Variants in LAMA3 observed in about 807,000 individuals in gnomAD.
LAMA3 encodes the protein laminin subunit alpha-3.
LAMA3 carries 281 observed loss-of-function variants against 402.0 expected under a neutral mutation model. That is an observed-to-expected ratio of 0.70 (90% confidence interval 0.63 to 0.77). The LOEUF is 0.77. Ranked by LOEUF, LAMA3 falls within the 30% of genes least tolerant of loss-of-function variation. LAMA3 has a pLI of 0.00. For synonymous variants in LAMA3, 1,431 were observed against 1,558.4 expected (o/e 0.92, Z 1.93); for missense variants, 3,840 against 4,215.5 (o/e 0.91, Z 2.47).
intron 2 of LAMA3, among the ~76,000 whole-genome samples, chr18:23,724,026 T>A (rs2061256543): frequency 6.6e-6 from 1 of 152,064 alleles, no homozygotes; most frequent in African/African-American, 2.4e-5. Context: ...TTATCCTTCA[T>A]CCCCCTCCCA....
chr18:23,693,083 C>T (rs1294925970), intron 1 of LAMA3, among the ~76,000 whole-genome samples: 2 of 152,330 alleles, frequency 1.3e-5, no homozygotes, highest in Admixed American at 1.3e-4. Flanking sequence ...GTGGCTCACG[C>T]CTGTAATCCC....
intron 30 of LAMA3, 105 bp from the exon 31 acceptor site, chr18:23,846,192 C>A (rs978490687): frequency 4.4e-6 from 5 of 1,124,828 alleles, no homozygotes; most frequent in Non-Finnish European, 5.5e-6. Flanking sequence ...ACCATGAGCC[C>A]GTCCCACAGA....
chr18:23,697,711 CA>C (rs965484853), intron 1 of LAMA3, among the ~76,000 whole-genome samples: 10 of 123,574 alleles, frequency 8.1e-5, no homozygotes, highest in East Asian at 3.1e-4. Flanking sequence ...CCCCCCGCCC[CA>C]AAAAAAAATC....
chr18:23,775,985 T>G, intron 10 of LAMA3, 62 bp downstream of exon 10: 19 of 1,557,986 alleles, frequency 1.2e-5, no homozygotes, highest in African/African-American at 2.7e-5. Context: ...TTTTGTGCAC[T>G]AACCTCTGAG....
chr18:23,870,806 T>C (rs1293248497), intron 37 of LAMA3, among the ~76,000 whole-genome samples: 2 of 152,118 alleles, frequency 1.3e-5, no homozygotes, highest in Non-Finnish European at 2.9e-5. Context: ...CAACAGAAAT[T>C]AGAATAGTGG....
rs530261330 is a variant in LAMA3 at position 23,859,226 on chromosome 18, C to T, written c.4422+397C>T. Among the ~76,000 whole-genome samples the T allele has an allele frequency of 2.0e-4, 30 of 152,266 alleles. 1 individual carries two copies. The South Asian group carries it at 5.4e-3, about 27-fold the overall frequency. ...AAATAAATCGAGTTTGTCATTTTCCCCTTTAAAAGAAAACCTTGTTTCTAT... is the reference window on the plus strand; with the variant it reads ...AAATAAATCGAGTTTGTCATTTTCCTCTTTAAAAGAAAACCTTGTTTCTAT... On this transcript the variant is annotated intron_variant, in intron 34 of 74. Transcript: ENST00000313654.
rs376331276 is a variant in LAMA3 at position 23,861,839 on chromosome 18, C to G, written c.4584+32C>G. On this transcript the variant is annotated intron_variant, in intron 35 of 74. Transcript: ENST00000313654. ...ATGTCCTGCTGTTCTTCTGGGCCCT[C>G]AGTGGGCCTCTGCTATTGCTGCATG... 4 of 1,592,862 alleles carry G rather than the reference C, an allele frequency of 2.5e-6. No homozygotes were observed. In the African/African-American group the frequency reaches 5.4e-5, roughly 21 times the overall value.
intron 20 of LAMA3, among the ~76,000 whole-genome samples, chr18:23,823,909 T>C (rs2063333197): frequency 6.6e-6 from 1 of 152,144 alleles, no homozygotes; most frequent in Admixed American, 6.5e-5. Context: ...AAAAATCACA[T>C]ATGCTGTAGT....
chr18:23,859,184 G>A (rs1476502534), intron 34 of LAMA3, among the ~76,000 whole-genome samples: 1 of 152,120 alleles, frequency 6.6e-6, no homozygotes, highest in Non-Finnish European at 1.5e-5. Flanking sequence ...CATAATAGAT[G>A]CCCAATAAAT....
At chr18:23,697,215 G>T (rs995657507) in intron 1 of LAMA3, among the ~76,000 whole-genome samples, 2 of 152,158 alleles carry the variant, frequency 1.3e-5, no homozygotes, top group Non-Finnish European at 2.9e-5. Flanking sequence ...AGGAGGGTGA[G>T]GACTTCATCT....
intron 41 of LAMA3, among the ~76,000 whole-genome samples, chr18:23,885,742 A>T (rs887032549): frequency 9.2e-5 from 14 of 152,220 alleles, no homozygotes; most frequent in African/African-American, 3.4e-4. Flanking sequence ...CATAAAATCA[A>T]TACATATTTA....
At chr18:23,779,991 C>T (rs932451360) in intron 11 of LAMA3, among the ~76,000 whole-genome samples, 7 of 152,144 alleles carry the variant, frequency 4.6e-5, no homozygotes, top group African/African-American at 9.7e-5. Context: ...GGGGCAGTCA[C>T]GTTGGCTTAG....
At position 23,899,467 on chromosome 18, in the gene LAMA3, C is replaced by T; in HGVS notation, c.6004+12C>T. On this transcript the variant is annotated intron_variant, in intron 47 of 74. Coordinates refer to ENST00000313654, the MANE Select transcript of LAMA3 (RefSeq NM_198129.4). ...GGAGTCGCAGCTCTGTAAGAATGCT[C>T]CCAAATTCTTGCATCCAGTCCATTC... The T allele has an allele frequency of 6.2e-7, 1 of 1,612,930 alleles. No homozygotes were observed. Among genetic ancestry groups the T allele is most frequent in the Non-Finnish European group, 8.5e-7 (1 of 1,179,120 alleles).
At chr18:23,902,958 CT>C in intron 48 of LAMA3, 50 bp from the exon 49 acceptor site, 1 of 1,058,512 alleles carries the variant, frequency 9.4e-7, no homozygotes, top group Non-Finnish European at 1.5e-6. Flanking sequence ...TTGTCTATGC[CT>C]TCTGATAATA....
chr18:23,734,253 T>C (rs1275405845), intron 2 of LAMA3, among the ~76,000 whole-genome samples: 1 of 152,210 alleles, frequency 6.6e-6, no homozygotes, highest in Admixed American at 6.5e-5. Flanking sequence ...GCTCAGGGTA[T>C]TCTGAATGTC....
At chr18:23,930,870 A>C (rs139073012) in intron 64 of LAMA3, among the ~76,000 whole-genome samples, 192 bp from the exon 65 acceptor site, 2 of 152,260 alleles carry the variant, frequency 1.3e-5, no homozygotes, top group African/African-American at 2.4e-5. Context: ...TAATTTGCAT[A>C]AGATTTTTAT....
intron 72 of LAMA3, 53 bp from the exon 73 acceptor site, chr18:23,951,631 G>T (rs1459871836): frequency 2.8e-6 from 4 of 1,443,770 alleles, no homozygotes; most frequent in Non-Finnish European, 9.7e-7. Flanking sequence ...GCAGGGGAAG[G>T]TCGGCTCCAC....
Position 23,890,071 on chromosome 18 carries a change from T to C in LAMA3, c.5364T>C (p.Ser1788=). ...QKFGGSCQPC[S]CNSNGQLGSC... ...TCGGAGGTAGCTGCCAACCATGCAG[T>C]TGTAACAGCAATGGCCAGCTGGGCA... Residue 1788 remains serine (S), a synonymous_variant, in exon 42 of 75, where the codon AGT becomes AGC. Transcript: ENST00000313654. The C allele has an allele frequency of 6.2e-7, 1 of 1,614,160 alleles. No individual in the cohort carries two copies. Among genetic ancestry groups the C allele is most frequent in the Non-Finnish European group, 8.5e-7 (1 of 1,179,998 alleles).
chr18:23,725,829 T>G (rs900151450), intron 2 of LAMA3, among the ~76,000 whole-genome samples: 1 of 152,250 alleles, frequency 6.6e-6, no homozygotes, highest in African/African-American at 2.4e-5. Context: ...GAGAGCAAAC[T>G]TCTGAGCTGT....
Sources: gnomAD v4.1 joint callset for allele counts (sites outside exome capture counted in the v4.1 genomes callset) on GRCh38, gnomAD v4.1.1 for gene constraint, MANE v1.5 for transcripts, NCBI Gene and HGNC (gene_info 2026-07-23, HGNC 2026-07-21) for gene names.